MAIP1: variants seen among roughly 807,000 people sequenced by gnomAD.
MAIP1 encodes m-AAA protease-interacting protein 1, mitochondrial.
A neutral mutation model predicts 31.2 loss-of-function variants in MAIP1; 28 were observed. The observed-to-expected ratio is 0.90, with a 90% CI of 0.67 to 1.23. The LOEUF is 1.23. MAIP1 is among the 50% of genes most tolerant of loss of function. The pLI, the probability that MAIP1 is intolerant of heterozygous loss-of-function variation, is 0.00. For missense variants in MAIP1, 339 were observed against 356.0 expected, an observed-to-expected ratio of 0.95 and a Z score of 0.38; for synonymous variants, 142 against 142.3, an observed-to-expected ratio of 1.00 and a Z score of 0.02.
At chr2:199,958,506 T>C (rs1255292257) in intron 1 of MAIP1, among the ~76,000 whole-genome samples, 1 of 152,194 alleles carries the variant, frequency 6.6e-6, no homozygotes, top group African/African-American at 2.4e-5. Context: ...AGCTTAGATG[T>C]TTCTTCCTTT....
intron 3 of MAIP1, among the ~76,000 whole-genome samples, chr2:199,960,861 ACT>A (rs2077631962): frequency 6.6e-6 from 1 of 152,044 alleles, no homozygotes; most frequent in African/African-American, 2.4e-5. Flanking sequence ...GAAGAAAAAG[ACT>A]CTTAGTGATG....
chr2:199,961,687 A>G (rs1258029847), intron 3 of MAIP1, 94 bp from the exon 4 acceptor site: 1 of 1,178,126 alleles, frequency 8.5e-7, no homozygotes, highest in Non-Finnish European at 1.2e-6. Flanking sequence ...TAACAACTGT[A>G]TAACTGCTGC....
In MAIP1 at chr2:199,959,282, A is replaced by G. The variant is rs370494927; in HGVS notation, c.465A>G (p.Val155=). Residue 155 remains valine (V), a synonymous_variant, in exon 2 of 5, where the codon GTA becomes GTG. Coordinates refer to ENST00000392290, the MANE Select transcript of MAIP1 (RefSeq NM_001394955.1). ...TTTTTTTCAAGGCTTTTGCTCATGT[A>G]TCCAAGTTGCTGTCACAGTGTAAAT... The part of the protein sequence containing the change: ...SEGAKQAFAH[V]SKLLSQCKFD... 8 of 1,586,800 alleles carry G rather than the reference A, an allele frequency of 5.0e-6. No homozygotes were observed. The highest frequency in any genetic ancestry group is 4.0e-5 in the African/African-American group (3 of 74,336).
In MAIP1 at chr2:199,956,155, C is replaced by T. The variant is rs751735394; in HGVS notation, c.357C>T (p.Ile119=). The T allele has an allele frequency of 1.9e-6, 3 of 1,614,086 alleles. No homozygotes were observed. In the African/African-American group the frequency reaches 4.0e-5, roughly 22 times the overall value. The stretch of plus-strand genomic sequence containing the variant: ...TCGTCCTGGGATTCTCCAACCCCAT[C>T]AACTGGGTTAGGACTCGAATTAAGG... ...KMIVLGFSNP[I]NWVRTRIKAF... is the part of the protein sequence containing the mutation. The change falls in exon 1 of 5, where the codon ATC becomes ATT. Residue 119 remains isoleucine, a synonymous_variant. Transcript: ENST00000392290.
In MAIP1 at chr2:199,955,833, T is replaced by A; in HGVS notation, c.35T>A (p.Leu12Gln). 1.3e-6 allele frequency: 2 copies of A among 1,521,144 alleles called. No individual in the cohort carries two copies. Among genetic ancestry groups the A allele is most frequent in the Non-Finnish European group, 1.8e-6 (2 of 1,137,090 alleles). 94.2% of individuals were successfully genotyped at this position (1,521,144 alleles called of 1,614,324 possible). A position where few individuals can be genotyped will look rare whatever the true frequency, so the allele number is the denominator to read the frequency against. ...GCCGCTCGTTTGCTACCCCAGTTCC[T>A]GCACTCTCGGTCGCTGCCCTGCGGG... ...ALAARLLPQF[L>Q]HSRSLPCGAV... Residue 12 changes from leucine to glutamine, a missense_variant, in exon 1 of 5, where the codon CTG becomes CAG. By Grantham distance (113) the Leu-to-Gln change is moderately radical. Transcript: ENST00000392290.
intron 4 of MAIP1, 68 bp downstream of exon 4, chr2:199,961,996 C>T (rs1559313191): frequency 1.5e-6 from 2 of 1,337,426 alleles, no homozygotes; most frequent in East Asian, 2.3e-5. Context: ...GGTATGAAAA[C>T]TAAGAGATCT....
chr2:199,956,440 T>C (rs2077605272), intron 1 of MAIP1, among the ~76,000 whole-genome samples, 192 bp downstream of exon 1: 1 of 152,178 alleles, frequency 6.6e-6, no homozygotes, highest in Non-Finnish European at 1.5e-5. Flanking sequence ...TACACGCCTG[T>C]AGTCTCAGCT....
rs767106251 is a variant in MAIP1, at chr2:199,955,826, C to G, written c.28C>G (p.Gln10Glu). 4.0e-6 allele frequency: 6 copies of G among 1,518,762 alleles called. No homozygotes were observed. The South Asian group carries it at 8.0e-5, about 20-fold the overall frequency. The allele number at this position is 1,518,762 out of a possible 1,614,324, so 94.1% of individuals were successfully genotyped here. A position where few individuals can be genotyped will look rare whatever the true frequency, so the allele number is the denominator to read the frequency against. Residue 10 changes from glutamine (Q) to glutamate (E), a missense_variant, in exon 1 of 5, where the codon CAG (glutamine) becomes GAG (glutamate). By Grantham distance (29) the Gln-to-Glu change is conservative (BLOSUM62 2). Transcript: ENST00000392290. Reference sequence around the variant, plus strand: ...GGCGCTGGCCGCTCGTTTGCTACCCCAGTTCCTGCACTCTCGGTCGCTGCC... The same window carrying G: ...GGCGCTGGCCGCTCGTTTGCTACCCGAGTTCCTGCACTCTCGGTCGCTGCC... MALAARLLP[Q>E]FLHSRSLPCG... is the part of the protein sequence containing the mutation.
intron 3 of MAIP1, 91 bp downstream of exon 3, chr2:199,959,971 A>G: frequency 8.2e-7 from 1 of 1,223,174 alleles, no homozygotes; most frequent in Middle Eastern, 2.5e-4. Context: ...GAGTTTTGTC[A>G]GGACAAGTAT....
chr2:199,963,080 A>G (rs2077644946), intron 4 of MAIP1, among the ~76,000 whole-genome samples: 1 of 151,488 alleles, frequency 6.6e-6, no homozygotes, highest in Non-Finnish European at 1.5e-5. Context: ...ATTTTGCTTT[A>G]TTTGTAATTA....
chr2:199,958,326 C>T (rs975017509), intron 1 of MAIP1, among the ~76,000 whole-genome samples: 1 of 152,120 alleles, frequency 6.6e-6, no homozygotes, highest in African/African-American at 2.4e-5. Context: ...ACTTAATCAT[C>T]TCTTTAAGGC....
At chr2:199,962,050 GAAAAGGTCAGA>G in intron 4 of MAIP1, 122 bp downstream of exon 4, 1 of 856,106 alleles carries the variant, frequency 1.2e-6, no homozygotes, top group South Asian at 1.9e-5. Flanking sequence ...TTTATGAAGA[GAAAAGGTCAGA>G]AAGACACACT....
Position 199,961,814 on chromosome 2 carries a change from G to T in MAIP1, c.683G>T (p.Trp228Leu). The change falls in exon 4 of 5, where the codon TGG becomes TTG. Residue 228 changes from tryptophan to leucine, a missense_variant. Trp to Leu is a moderately conservative substitution (Grantham distance 61). Transcript: ENST00000392290. ...RKFVNILMCF[W>L]YLTSANIPSE... The stretch of plus-strand genomic sequence containing the variant: ...TTTGTTAACATCCTGATGTGCTTTT[G>T]GTATCTAACCAGTGCCAACATCCCC... The T allele has an allele frequency of 6.2e-7, 1 of 1,613,618 alleles. No homozygotes were observed. The highest frequency in any genetic ancestry group is 8.5e-7 in the Non-Finnish European group (1 of 1,179,786).
At chr2:199,955,349 C>T (rs2077588555), upstream of MAIP1, 1 of 1,601,414 alleles carries the variant, frequency 6.2e-7, no homozygotes, top group Non-Finnish European at 8.5e-7. Flanking sequence ...AAAGACGTGT[C>T]TCTCGCTGGT....
At chr2:199,955,455 G>A (rs577365638), upstream of MAIP1, 1 of 1,613,760 alleles carries the variant, frequency 6.2e-7, no homozygotes, top group Non-Finnish European at 8.5e-7. Flanking sequence ...GGTACCGGGA[G>A]GTGCTGCCCG....
chr2:199,956,923 T>G (rs543563003), intron 1 of MAIP1, among the ~76,000 whole-genome samples: 1 of 152,276 alleles, frequency 6.6e-6, no homozygotes, highest in South Asian at 2.1e-4. Context: ...GAGATTCTTA[T>G]CCCTGACTTT....
At chr2:199,956,633 C>G (rs1278747592) in intron 1 of MAIP1, among the ~76,000 whole-genome samples, 1 of 152,212 alleles carries the variant, frequency 6.6e-6, no homozygotes, top group African/African-American at 2.4e-5. Flanking sequence ...AAGACAATGC[C>G]TGGCACATAG....
chr2:199,963,668 A>T (rs1456326107), intron 4 of MAIP1, 65 bp from the exon 5 acceptor site: 1 of 946,598 alleles, frequency 1.1e-6, no homozygotes, highest in East Asian at 2.5e-5. Flanking sequence ...CTTGCAAATT[A>T]CATAGTTATC....
chr2:199,961,116 T>C (rs977494876), intron 3 of MAIP1, among the ~76,000 whole-genome samples: 6 of 152,138 alleles, frequency 3.9e-5, no homozygotes, highest in Non-Finnish European at 8.8e-5. Flanking sequence ...ATATTTTTTT[T>C]CTCCTCATTT....
Sources: allele counts gnomAD v4.1 joint callset (sites outside exome capture counted in the v4.1 genomes callset), GRCh38; gene constraint gnomAD v4.1.1; transcripts MANE v1.5; gene names NCBI Gene and HGNC (gene_info 2026-07-23, HGNC 2026-07-21).